Variants in PCDHA1 observed in about 807,000 individuals in gnomAD.
PCDHA1 encodes the protein protocadherin alpha-1.
Under a neutral mutation model 61.3 loss-of-function variants are expected in PCDHA1, and 42 were observed. The ratio of observed to expected loss-of-function variants is 0.69; its 90% CI spans 0.54 to 0.89. PCDHA1 has a LOEUF of 0.89. Among genes scored for constraint, PCDHA1 ranks in the 40% least tolerant of loss-of-function variants. The pLI is 0.00. For synonymous variants in PCDHA1, 610 were observed against 553.8 expected (o/e 1.10, Z -1.43); for missense variants, 1,256 against 1,235.3 (o/e 1.02, Z -0.25).
In PCDHA1 at chr5:140,931,701, A is replaced by G. The variant is rs78657610; in HGVS notation, c.2395-47248A>G. Among the ~76,000 whole-genome samples the G allele has an allele frequency of 8.3e-3, 1,259 of 152,106 alleles. 10 individuals are homozygous for G. Among genetic ancestry groups the G allele is most frequent in the Non-Finnish European group, 0.014 (970 of 67,850 alleles). ...TAAATGAATTGTGATTCATAAAACC[A>G]TGAATAAAATAACTTCTATAAATAT... On this transcript the variant is annotated intron_variant, in intron 1 of 3. Coordinates refer to ENST00000504120, the MANE Select transcript of PCDHA1 (RefSeq NM_018900.4).
intron 1 of PCDHA1, chr5:140,927,596 G>A (rs374002981): frequency 2.5e-6 from 4 of 1,614,044 alleles, no homozygotes; most frequent in African/African-American, 2.7e-5. Context: ...GTATTTGAGC[G>A]CTCCGTATAC....
chr5:140,796,577 G>T, intron 1 of PCDHA1: 1 of 1,613,374 alleles, frequency 6.2e-7, no homozygotes, highest in Non-Finnish European at 8.5e-7. Flanking sequence ...GTGAGCGCGC[G>T]GGATGCGGGC....
At chr5:140,851,542 C>T in intron 1 of PCDHA1, 1 of 907,540 alleles carries the variant, frequency 1.1e-6, no homozygotes, top group Non-Finnish European at 1.3e-6. Context: ...GTAGATAATT[C>T]AAGAAATGTT....
rs575381539 is a variant in PCDHA1, at chr5:140,952,919, T to TGAGCAG, written c.2395-26018_2395-26013dup. On this transcript the variant is annotated intron_variant, in intron 1 of 3. Coordinates refer to ENST00000504120, the MANE Select transcript of PCDHA1 (RefSeq NM_018900.4). ...GGAATCAAGCTCATCTTACATGGCA[T>TGAGCAG]GAGCAGGAGCAGGAGCAAGAGAGAG... 2.3e-3 allele frequency among the ~76,000 whole-genome samples: 343 copies of TGAGCAG among 152,172 alleles called. 1 individual carries two copies. Among genetic ancestry groups the TGAGCAG allele is most frequent in the African/African-American group, 7.9e-3 (326 of 41,516 alleles).
chr5:140,995,893 A>T (rs1038677586), intron 3 of PCDHA1, among the ~76,000 whole-genome samples: 1 of 152,182 alleles, frequency 6.6e-6, no homozygotes, highest in Non-Finnish European at 1.5e-5. Flanking sequence ...AGATTTATCA[A>T]TGTATAAAAG....
intron 1 of PCDHA1, among the ~76,000 whole-genome samples, chr5:140,916,660 T>A (rs2077673786): frequency 6.6e-6 from 1 of 152,172 alleles, no homozygotes; most frequent in African/African-American, 2.4e-5. Flanking sequence ...GTATCCAAGA[T>A]GCAAGACAAA....
chr5:140,905,632 G>A lies in PCDHA1; in HGVS notation c.2395-73317G>A, dbSNP rs146826869. 9.9e-4 allele frequency among the ~76,000 whole-genome samples: 150 copies of A among 152,224 alleles called. 1 individual carries two copies. Among genetic ancestry groups the A allele is most frequent in the African/African-American group, 3.4e-3 (141 of 41,546 alleles). ...TCTATAGATTGCTTTTGACAGTATG[G>A]TCAGTTTCACAGTATTGATTCCTGT... On this transcript the variant is annotated intron_variant, in intron 1 of 3. Transcript: ENST00000504120.
intron 1 of PCDHA1, chr5:140,822,279 A>G: frequency 6.2e-7 from 1 of 1,614,250 alleles, no homozygotes; most frequent in East Asian, 2.2e-5. Context: ...CACAATTGAG[A>G]TACAGGTTAA....
intron 1 of PCDHA1, among the ~76,000 whole-genome samples, chr5:140,941,301 TTTC>T (rs1554214297): frequency 1.4e-5 from 2 of 143,748 alleles, no homozygotes; most frequent in African/African-American, 2.6e-5. Flanking sequence ...TCTTTCTTTC[TTTC>T]TTTTTCTTCT....
chr5:140,849,674 C>G (rs138948867), intron 1 of PCDHA1: 2 of 1,598,596 alleles, frequency 1.3e-6, no homozygotes, highest in African/African-American at 2.7e-5. Flanking sequence ...CGCCCCACGT[C>G]CCCTTCAAGC....
At chr5:140,853,797 T>G (rs2042870109) in intron 1 of PCDHA1, 4 of 987,438 alleles carry the variant, frequency 4.1e-6, no homozygotes, top group Non-Finnish European at 4.9e-6. Context: ...AATTTTCATT[T>G]TAAAGCACAC....
intron 1 of PCDHA1, among the ~76,000 whole-genome samples, chr5:140,900,263 G>A (rs909474202): frequency 2.0e-5 from 3 of 151,830 alleles, no homozygotes; most frequent in African/African-American, 7.3e-5. Flanking sequence ...GTACTCCATT[G>A]TGTATATGTA....
intron 2 of PCDHA1, 155 bp downstream of exon 2, chr5:140,979,162 T>C: frequency 2.1e-6 from 2 of 975,444 alleles, no homozygotes; most frequent in Non-Finnish European, 2.4e-6. Context: ...TGTTTATTCC[T>C]TGAAAGATCG....
chr5:141,010,034 A>G lies in PCDHA1; in HGVS notation c.*97A>G. On this transcript the variant is annotated 3_prime_UTR_variant, in exon 4 of 4. Transcript: ENST00000504120. Reference sequence around the variant, plus strand: ...CCTGCTCCTTTTTCCTATCTACATGAGCCCTCTTAGAGACCTCAGAAATCT... The same window carrying G: ...CCTGCTCCTTTTTCCTATCTACATGGGCCCTCTTAGAGACCTCAGAAATCT... 6.3e-7 allele frequency: 1 copy of G among 1,582,208 alleles called. No individual in the cohort carries two copies.
intron 1 of PCDHA1, among the ~76,000 whole-genome samples, chr5:140,936,910 G>A (rs1221304306): frequency 6.6e-6 from 1 of 152,062 alleles, no homozygotes; most frequent in African/African-American, 2.4e-5. Context: ...TATTGAATCT[G>A]TAGAAAATAT....
At chr5:140,801,617 GTT>G in intron 1 of PCDHA1, 1 of 1,614,148 alleles carries the variant, frequency 6.2e-7, no homozygotes, top group East Asian at 2.2e-5. Flanking sequence ...TAAAGAATCT[GTT>G]TATTTCCGAA....
At chr5:140,917,332 G>GT (rs1293292013) in intron 1 of PCDHA1, among the ~76,000 whole-genome samples, 2 of 145,540 alleles carry the variant, frequency 1.4e-5, no homozygotes, top group Non-Finnish European at 3.0e-5. Flanking sequence ...GGCGGGGGAG[G>GT]GGGGGGATGG....
intron 3 of PCDHA1, 119 bp from the exon 4 acceptor site, chr5:141,009,508 C>T (rs923907688): frequency 6.7e-7 from 1 of 1,496,530 alleles, no homozygotes; most frequent in African/African-American, 1.4e-5. Flanking sequence ...GAACAAACAA[C>T]TCGTGATTTT....
chr5:140,798,322 T>C (rs576028164), intron 1 of PCDHA1, among the ~76,000 whole-genome samples: 49 of 152,344 alleles, frequency 3.2e-4, no homozygotes, highest in African/African-American at 1.1e-3. Flanking sequence ...AACCCATTAT[T>C]TGGTATAAAG....
Sources: gnomAD v4.1 joint callset for allele counts (sites outside exome capture counted in the v4.1 genomes callset) on GRCh38, gnomAD v4.1.1 for gene constraint, MANE v1.5 for transcripts, NCBI Gene and HGNC (gene_info 2026-07-23, HGNC 2026-07-21) for gene names.